The following CNBD1 variants were observed in gnomAD, a reference collection of about 807,000 sequenced individuals.
The protein encoded by CNBD1 is cyclic nucleotide binding domain containing 1.
In CNBD1, 71 loss-of-function variants were observed where a neutral mutation model predicts 54.4. That is an observed-to-expected ratio of 1.30 (90% CI 1.08 to 1.59). The LOEUF (loss-of-function observed/expected upper bound fraction) is 1.59. CNBD1 is among the 40% of genes most tolerant of loss of function. The pLI, the probability that CNBD1 is intolerant of heterozygous loss-of-function variation, is 0.00. For missense variants in CNBD1, 659 were observed against 518.0 expected (o/e 1.27, Z -2.64); for synonymous variants, 182 against 170.7 (o/e 1.07, Z -0.51).
At chr8:87,015,153 A>G (rs1363142484) in intron 4 of CNBD1, among the ~76,000 whole-genome samples, 2 of 152,198 alleles carry the variant, frequency 1.3e-5, no homozygotes, top group African/African-American at 4.8e-5. Context: ...TGGTTAAAAC[A>G]AGATTTTATT....
chr8:87,188,103 A>AT (rs1277009861), intron 4 of CNBD1, among the ~76,000 whole-genome samples: 1 of 152,098 alleles, frequency 6.6e-6, no homozygotes, highest in Non-Finnish European at 1.5e-5. Context: ...TGTACAAGGA[A>AT]TTTTTTATTC....
At chr8:86,938,682 A>T (rs935269467) in intron 3 of CNBD1, among the ~76,000 whole-genome samples, 2 of 152,142 alleles carry the variant, frequency 1.3e-5, no homozygotes, top group Admixed American at 6.5e-5. Context: ...TTTATCTCCC[A>T]CTGGGTCCCT....
At chr8:87,426,795 CA>C (rs1402470953) in intron 2 of CNBD1, among the ~76,000 whole-genome samples, 3 of 152,052 alleles carry the variant, frequency 2.0e-5, no homozygotes, top group Non-Finnish European at 4.4e-5. Context: ...CTTCTTTTAC[CA>C]AAAAATTTCA....
chr8:87,295,251 A>C (rs921665509), intron 8 of CNBD1, among the ~76,000 whole-genome samples: 37 of 151,958 alleles, frequency 2.4e-4, no homozygotes, highest in Admixed American at 7.2e-4. Context: ...TTTTGTTTTC[A>C]ATCAGTTTTG....
intron 4 of CNBD1, among the ~76,000 whole-genome samples, chr8:87,185,426 C>G (rs1232436353): frequency 3.3e-5 from 5 of 152,104 alleles, no homozygotes; most frequent in Non-Finnish European, 5.9e-5. Context: ...ATGTTTATAT[C>G]ATCATACATA....
At chr8:87,029,412 C>A (rs1294574258) in intron 4 of CNBD1, among the ~76,000 whole-genome samples, 1 of 152,094 alleles carries the variant, frequency 6.6e-6, no homozygotes, top group Non-Finnish European at 1.5e-5. Flanking sequence ...TAGAGTCAAC[C>A]AAACTTATTC....
chr8:87,092,309 C>CT (rs1811221608), intron 4 of CNBD1, among the ~76,000 whole-genome samples: 1 of 151,306 alleles, frequency 6.6e-6, no homozygotes, highest in South Asian at 2.1e-4. Flanking sequence ...TACAATAGGA[C>CT]TTTGATGAAC....
At chr8:87,057,906 C>T (rs748810434) in intron 4 of CNBD1, among the ~76,000 whole-genome samples, 6 of 151,976 alleles carry the variant, frequency 3.9e-5, no homozygotes, top group Non-Finnish European at 7.4e-5. Flanking sequence ...CAAAAGTACC[C>T]CTAATGTCTT....
intron 2 of CNBD1, among the ~76,000 whole-genome samples, chr8:87,408,347 A>G (rs964191851): frequency 4.6e-5 from 7 of 151,620 alleles, no homozygotes; most frequent in Non-Finnish European, 1.0e-4. Flanking sequence ...TATTAATCCC[A>G]CCTATCAAGT....
chr8:86,926,120 C>T (rs1026733648), intron 3 of CNBD1, among the ~76,000 whole-genome samples: 1 of 152,122 alleles, frequency 6.6e-6, no homozygotes, highest in Non-Finnish European at 1.5e-5. Flanking sequence ...TTACAGAGCG[C>T]TGATTGGTGC....
intron 5 of CNBD1, among the ~76,000 whole-genome samples, chr8:87,223,927 C>T (rs1460818148): frequency 4.9e-4 from 75 of 152,200 alleles, no homozygotes; most frequent in Non-Finnish European, 7.5e-4. Flanking sequence ...TTTTAATGAT[C>T]GCCATTCTAA....
At chr8:86,918,577 T>G (rs562684899) in intron 3 of CNBD1, among the ~76,000 whole-genome samples, 2 of 151,990 alleles carry the variant, frequency 1.3e-5, no homozygotes, top group African/African-American at 2.4e-5. Flanking sequence ...TCTCATGAGA[T>G]CTGATGGTTT....
chr8:86,979,866 G>A (rs1808434987), intron 4 of CNBD1, among the ~76,000 whole-genome samples: 1 of 152,082 alleles, frequency 6.6e-6, no homozygotes, highest in Non-Finnish European at 1.5e-5. Context: ...TGATATAAGA[G>A]CAATATGATA....
At chr8:87,045,735 A>C (rs1304228019) in intron 4 of CNBD1, among the ~76,000 whole-genome samples, 1 of 148,568 alleles carries the variant, frequency 6.7e-6, no homozygotes, top group African/African-American at 2.5e-5. Context: ...AAAAAAAAAA[A>C]AAAAAAAAAC....
chr8:87,183,905 A>G (rs1297535137), intron 4 of CNBD1, among the ~76,000 whole-genome samples: 7 of 152,204 alleles, frequency 4.6e-5, no homozygotes, highest in African/African-American at 1.7e-4. Context: ...CACCTGCTAC[A>G]CTAGAGAGCC....
intron 4 of CNBD1, among the ~76,000 whole-genome samples, chr8:87,197,173 T>A (rs921981413): frequency 3.3e-5 from 5 of 152,218 alleles, no homozygotes; most frequent in Non-Finnish European, 5.9e-5. Flanking sequence ...CACCTCTCAA[T>A]GTATGACTTT....
chr8:87,200,271 T>C (rs563848964), intron 4 of CNBD1, among the ~76,000 whole-genome samples: 381 of 152,172 alleles, frequency 2.5e-3, no homozygotes, highest in African/African-American at 8.8e-3. Flanking sequence ...CTCCGAGTAG[T>C]AGAAACACAA....
At chr8:86,937,110 G>C (rs533033398) in intron 3 of CNBD1, among the ~76,000 whole-genome samples, 1 of 152,170 alleles carries the variant, frequency 6.6e-6, no homozygotes, top group Non-Finnish European at 1.5e-5. Context: ...CATGGCTGAG[G>C]TAGGACTCAC....
At chr8:87,245,775 T>C (rs1807790242) in intron 6 of CNBD1, among the ~76,000 whole-genome samples, 1 of 152,076 alleles carries the variant, frequency 6.6e-6, no homozygotes, top group East Asian at 1.9e-4. Context: ...ATAGTAGTGA[T>C]ATAATTTTTT....
Sources: gnomAD v4.1 joint callset for allele counts (sites outside exome capture counted in the v4.1 genomes callset) on GRCh38, gnomAD v4.1.1 for gene constraint, MANE v1.5 for transcripts, NCBI Gene and HGNC (gene_info 2026-07-23, HGNC 2026-07-21) for gene names.